The following ZNF554 variants were observed in gnomAD, a reference collection of about 807,000 sequenced individuals.
The protein encoded by ZNF554 is zinc finger protein 554.
Under a neutral mutation model 21.2 loss-of-function variants are expected in ZNF554, and 15 were observed. The observed-to-expected ratio is 0.71, with a 90% CI of 0.47 to 1.09. The LOEUF (loss-of-function observed/expected upper bound fraction) is 1.09. Ranked by LOEUF, ZNF554 falls within the 50% of genes least tolerant of loss-of-function variation. The probability of loss-of-function intolerance (pLI) is 0.00; values close to 1 mark genes in which losing one functional copy is unlikely to be tolerated. For synonymous variants in ZNF554, 258 were observed against 251.4 expected (o/e 1.03, Z -0.25); for missense variants, 691 against 662.7 (o/e 1.04, Z -0.47).
In ZNF554 at chr19:2,827,680, C is replaced by T. The variant is rs1446439592; in HGVS notation, c.190C>T (p.Pro64Ser). ...FSQEEWELLE[P>S]AQKNLYREVM... Reference sequence around the variant, plus strand: ...CCAGGAGGAGTGGGAGTTGCTGGAGCCTGCTCAGAAGAACCTGTACAGAGA... The same window carrying T: ...CCAGGAGGAGTGGGAGTTGCTGGAGTCTGCTCAGAAGAACCTGTACAGAGA... The change falls in exon 3 of 5, where the codon CCT becomes TCT. Residue 64 changes from proline to serine, a missense_variant. Physicochemically the swap from Pro to Ser is moderately conservative, Grantham distance 74. Transcript: ENST00000317243. 6.2e-7 allele frequency: 1 copy of T among 1,614,044 alleles called. No homozygotes were observed. The highest frequency in any genetic ancestry group is 1.7e-5 in the Admixed American group (1 of 60,012).
chr19:2,830,651 A>G (rs1390623727), intron 3 of ZNF554: 2 of 152,192 alleles, frequency 1.3e-5, no homozygotes, highest in Non-Finnish European at 2.9e-5. Flanking sequence ...GCTGGAGTGC[A>G]GTGGCACTCT....
rs796645231 is a variant in ZNF554 at position 2,821,528 on chromosome 19, C to T, written c.53+1404C>T. ...GCCGTGGTGCTTCTGAAGGCTCTGGCGGGAGGATCTTCTCTGTCTCTTCCA... is the reference window on the plus strand; with the variant it reads ...GCCGTGGTGCTTCTGAAGGCTCTGGTGGGAGGATCTTCTCTGTCTCTTCCA... On this transcript the variant is annotated intron_variant, in intron 1 of 4. Coordinates refer to ENST00000317243, the MANE Select transcript of ZNF554 (RefSeq NM_001102651.2). This position sits in a 1 kb window ranked among gnomAD's most constrained non-coding sequence, Gnocchi z 8.2. Among the ~76,000 whole-genome samples, 26 of 151,984 alleles carry T rather than the reference C, an allele frequency of 1.7e-4. No individual in the cohort carries two copies. The highest frequency in any genetic ancestry group is 4.1e-4 in the South Asian group (2 of 4,828).
At chr19:2,824,999 AG>A (rs2087310898) in intron 2 of ZNF554, among the ~76,000 whole-genome samples, 2 of 113,162 alleles carry the variant, frequency 1.8e-5, no homozygotes, top group Admixed American at 1.2e-4. Context: ...ACGTGATTGC[AG>A]TTGTTTTTTT....
chr19:2,826,088 C>T (rs757099989), intron 2 of ZNF554, among the ~76,000 whole-genome samples: 2 of 151,198 alleles, frequency 1.3e-5, no homozygotes, highest in Non-Finnish European at 2.9e-5. Flanking sequence ...TTGGTAGAGA[C>T]GGGGTTTCTC....
rs2087240092 is a variant in ZNF554, at chr19:2,819,989, A to G, written c.-83A>G. 2.8e-6 allele frequency: 3 copies of G among 1,072,528 alleles called. No homozygotes were observed. The highest frequency in any genetic ancestry group is 4.7e-5 in the South Asian group (1 of 21,188). 66.4% of individuals were successfully genotyped at this position (1,072,528 alleles called of 1,614,324 possible). On this transcript the variant is annotated 5_prime_UTR_variant, in exon 1 of 5. Transcript: ENST00000317243. ...AGGAGCCGAGCGGAGGAGGCGTCCC[A>G]GGGACACGCAGGGGAGGCCGGCCGG... is the stretch of plus-strand genomic sequence containing the variant.
At chr19:2,833,543 C>T in intron 4 of ZNF554, 138 bp from the exon 5 acceptor site, 3 of 653,636 alleles carry the variant, frequency 4.6e-6, no homozygotes, top group African/African-American at 3.6e-5. Flanking sequence ...TTTTCCCATC[C>T]TTCCCGCATG....
At position 2,833,775 on chromosome 19, in the gene ZNF554, C is replaced by G; in HGVS notation, c.540C>G (p.Ile180Met). The G allele has an allele frequency of 6.2e-7, 1 of 1,606,978 alleles. No homozygotes were observed. Residue 180 changes from isoleucine to methionine, a missense_variant, in exon 5 of 5, where the codon ATC becomes ATG. By Grantham distance (10) the Ile-to-Met change is conservative. Transcript: ENST00000317243. ...GTGGTATAAATATGATAAAGCTTAT[C>G]AGAGAAGATGGGGGATGGAAGCAGT... ...PASGINMIKL[I>M]REDGGWKQLE...
intron 2 of ZNF554, among the ~76,000 whole-genome samples, chr19:2,825,894 T>TTTTC (rs953714266): frequency 2.0e-5 from 3 of 152,040 alleles, no homozygotes; most frequent in Non-Finnish European, 4.4e-5. Context: ...GTTCTACATC[T>TTTTC]TTTCTTTCTT....
At chr19:2,828,143 C>A (rs1464987346) in intron 3 of ZNF554, among the ~76,000 whole-genome samples, 1 of 152,158 alleles carries the variant, frequency 6.6e-6, no homozygotes. Context: ...ACAGCCAAAC[C>A]ATGTCATCTA....
At chr19:2,828,094 C>T (rs2087360078) in intron 3 of ZNF554, among the ~76,000 whole-genome samples, 1 of 152,224 alleles carries the variant, frequency 6.6e-6, no homozygotes, top group African/African-American at 2.4e-5. Context: ...CCCTTGACGT[C>T]GGGATTATTA....
rs550954178 is a variant in ZNF554, at chr19:2,836,334, G to A, written c.*1482G>A. 6.6e-6 allele frequency among the ~76,000 whole-genome samples: 1 copy of A among 152,092 alleles called. No homozygotes were observed. The highest frequency in any genetic ancestry group is 1.5e-5 in the Non-Finnish European group (1 of 68,010). ...GAGCCACCCTGCTGGGATTATGGGT[G>A]CGAGCCGCCGTGCTGGGATTACAGG... is the stretch of plus-strand genomic sequence containing the variant. On this transcript the variant is annotated 3_prime_UTR_variant, in exon 5 of 5. Transcript: ENST00000317243.
At chr19:2,828,839 C>T (rs117701832) in intron 3 of ZNF554, among the ~76,000 whole-genome samples, 2,670 of 152,162 alleles carry the variant, frequency 0.018, 41 homozygotes, top group Middle Eastern at 0.041. Flanking sequence ...ATAAAACCAT[C>T]AGATCTCATG....
Position 2,830,086 on chromosome 19 carries a change from G to A in ZNF554, c.254-2217G>A, listed in dbSNP as rs12979634. ...ACTACAGGCGCCCGCCACCATGCCCGGCTAATTTTTTAATAATTTTTTGTA... is the reference window on the plus strand; with the variant it reads ...ACTACAGGCGCCCGCCACCATGCCCAGCTAATTTTTTAATAATTTTTTGTA... On this transcript the variant is annotated intron_variant, in intron 3 of 4. Coordinates refer to ENST00000317243, the MANE Select transcript of ZNF554 (RefSeq NM_001102651.2). Among the ~76,000 whole-genome samples the A allele has an allele frequency of 3.9e-3, 599 of 152,094 alleles. 5 individuals carry two copies. The highest frequency in any genetic ancestry group is 5.2e-3 in the Non-Finnish European group (355 of 67,996).
At chr19:2,820,238 C>T (rs996666966) in intron 1 of ZNF554, 114 bp downstream of exon 1, 2 of 1,003,266 alleles carry the variant, frequency 2.0e-6, no homozygotes, top group African/African-American at 3.4e-5. Context: ...GCGATAGGGT[C>T]CCCACGGGAG....
chr19:2,828,415 G>A (rs2087364910), intron 3 of ZNF554, among the ~76,000 whole-genome samples: 2 of 152,192 alleles, frequency 1.3e-5, no homozygotes, highest in Non-Finnish European at 2.9e-5. Flanking sequence ...CACCTAGGCT[G>A]GGTGTGGTGG....
chr19:2,836,039 G>T lies in ZNF554; in HGVS notation c.*1187G>T, dbSNP rs1157743645. 1.3e-5 allele frequency among the ~76,000 whole-genome samples: 2 copies of T among 151,982 alleles called. No homozygotes were observed. The highest frequency in any genetic ancestry group is 4.8e-5 in the African/African-American group (2 of 41,392). On this transcript the variant is annotated 3_prime_UTR_variant, in exon 5 of 5. Coordinates refer to ENST00000317243, the MANE Select transcript of ZNF554 (RefSeq NM_001102651.2). ...TTTTGTAGTGATGGGCTTTCACCAG[G>T]TTGCCCAGGCTGGTCTCAAACTCCT...
intron 2 of ZNF554, among the ~76,000 whole-genome samples, chr19:2,825,068 A>G (rs1228180319): frequency 7.5e-6 from 1 of 133,932 alleles, no homozygotes; most frequent in Non-Finnish European, 1.5e-5. Flanking sequence ...GTTGGAGTGC[A>G]GTGGCGCGAT....
chr19:2,824,499 A>G (rs2087303476), intron 2 of ZNF554, among the ~76,000 whole-genome samples: 1 of 152,256 alleles, frequency 6.6e-6, no homozygotes, highest in African/African-American at 2.4e-5. Context: ...CCTGGAGAGC[A>G]GGCAGTGCTG....
In ZNF554 at chr19:2,821,240, C is replaced by T. The variant is rs1182084976; in HGVS notation, c.53+1116C>T. ...TAGCTGGGATTACAGGTGCACGCCA[C>T]CCCGCCTGGCTAATTTTTATATTTT... On this transcript the variant is annotated intron_variant, in intron 1 of 4. Transcript: ENST00000317243. This position sits in a 1 kb window ranked among gnomAD's most constrained non-coding sequence, Gnocchi z 8.2. Among the ~76,000 whole-genome samples, 1 of 151,816 alleles carries T rather than the reference C, an allele frequency of 6.6e-6. No individual in the cohort carries two copies. The highest frequency in any genetic ancestry group is 2.4e-5 in the African/African-American group (1 of 41,104).
Sources: allele counts gnomAD v4.1 joint callset (sites outside exome capture counted in the v4.1 genomes callset), GRCh38; gene constraint gnomAD v4.1.1; non-coding constraint Gnocchi (gnomAD v3.1); transcripts MANE v1.5; gene names NCBI Gene and HGNC (gene_info 2026-07-23, HGNC 2026-07-21).